MTUS1: variants seen among roughly 807,000 people sequenced by gnomAD.
The protein encoded by MTUS1 is microtubule-associated tumor suppressor 1.
Under a neutral mutation model 120.8 loss-of-function variants are expected in MTUS1, and 109 were observed. The ratio of observed to expected loss-of-function variants is 0.90; its 90% CI spans 0.77 to 1.06. The LOEUF is 1.06. Ranked by LOEUF, MTUS1 falls within the 50% of genes least tolerant of loss-of-function variation. The probability of loss-of-function intolerance (pLI) is 0.00; values close to 1 mark genes in which losing one functional copy is unlikely to be tolerated. For missense variants in MTUS1, 2,210 were observed against 1,486.3 expected, an observed-to-expected ratio of 1.49 and a Z score of -8.01; for synonymous variants, 737 against 550.5, an observed-to-expected ratio of 1.34 and a Z score of -4.74.
At chr8:17,762,217 C>A (rs913450073) in intron 1 of MTUS1, among the ~76,000 whole-genome samples, 4 of 151,996 alleles carry the variant, frequency 2.6e-5, no homozygotes, top group African/African-American at 7.3e-5. Context: ...AGGCGGAGGT[C>A]GCAGTGAGCC....
chr8:17,695,516 T>A (rs905844954), intron 6 of MTUS1, among the ~76,000 whole-genome samples: 1 of 152,126 alleles, frequency 6.6e-6, no homozygotes, highest in Non-Finnish European at 1.5e-5. Flanking sequence ...GTTTAGAAAA[T>A]AAAATGTGTC....
rs112048837 is a variant in MTUS1 at position 17,767,700 on chromosome 8, T to TAA, written c.-154-11741_-154-11740dup. The stretch of plus-strand genomic sequence containing the variant: ...GGTGATAGAGCAAGACCCTGTCTCT[T>TAA]AAAAAAAAAAAAAAAAAACGGTGTG... On this transcript the variant is annotated intron_variant, in intron 1 of 14. Transcript: ENST00000693296. Among the ~76,000 whole-genome samples the TAA allele has an allele frequency of 2.9e-3, 251 of 87,836 alleles. 2 individuals carry two copies. Among genetic ancestry groups the TAA allele is most frequent in the South Asian group, 6.8e-3 (21 of 3,084 alleles). The allele number at this position is 87,836 out of a possible 152,430, so 57.6% of individuals were successfully genotyped here.
intron 8 of MTUS1, among the ~76,000 whole-genome samples, chr8:17,662,378 TAG>T (rs1407320779): frequency 7.3e-6 from 1 of 136,098 alleles, no homozygotes; most frequent in Non-Finnish European, 1.5e-5. Context: ...TTTTTTGAGA[TAG>T]AGTCTCGCAC....
At chr8:17,688,253 G>T (rs564300869) in intron 6 of MTUS1, among the ~76,000 whole-genome samples, 22 of 152,214 alleles carry the variant, frequency 1.4e-4, no homozygotes, top group South Asian at 1.2e-3. Flanking sequence ...TGAGGGCACT[G>T]CTGTGGTGGG....
chr8:17,738,666 A>C (rs1185573475), intron 3 of MTUS1, among the ~76,000 whole-genome samples: 1 of 152,112 alleles, frequency 6.6e-6, no homozygotes, highest in Admixed American at 6.6e-5. Context: ...CCAAACCATC[A>C]CCTAGGTATT....
intron 10 of MTUS1, chr8:17,653,969 G>C (rs1807629492): frequency 6.3e-6 from 1 of 157,762 alleles, no homozygotes; most frequent in Admixed American, 6.3e-5. Flanking sequence ...ACCTCTGCCT[G>C]ACTTTGGGCA....
chr8:17,786,567 GTTA>G (rs398112272), intron 1 of MTUS1, among the ~76,000 whole-genome samples: 1 of 66,236 alleles, frequency 1.5e-5, no homozygotes. Flanking sequence ...AAAACACTGA[GTTA>G]TCTTGAGGTT....
At chr8:17,682,514 T>TA (rs1238584458) in intron 7 of MTUS1, among the ~76,000 whole-genome samples, 12,125 of 57,684 alleles carry the variant, frequency 0.21, 1,476 homozygotes, top group South Asian at 0.36. Context: ...CAAGACTCCA[T>TA]CCCAAAAAAA....
In MTUS1 at chr8:17,684,407, A is replaced by T. The variant is rs1231697241; in HGVS notation, c.2759T>A (p.Leu920Gln). Residue 920 changes from leucine (L) to glutamine (Q), a missense_variant, in exon 7 of 15, where the codon CTG (leucine) becomes CAG (glutamine). By Grantham distance (113) the Leu-to-Gln change is moderately radical. Transcript: ENST00000693296. ...TKCENQSGFI[L>Q]QLKQLLACGN... ...ACAGGCAAGAAGCTGCTTGAGCTGC[A>T]GGATAAATCCACTTTGGTTTTCACA... is the stretch of plus-strand genomic sequence containing the variant. 3 of 1,614,108 alleles carry T rather than the reference A, an allele frequency of 1.9e-6. No individual in the cohort carries two copies. In the African/African-American group the frequency reaches 4.0e-5, roughly 22 times the overall value.
Position 17,753,706 on chromosome 8 carries a change from A to G in MTUS1, c.2091+11T>C, listed in dbSNP as rs762429595. On this transcript the variant is annotated intron_variant, in intron 2 of 14. Coordinates refer to ENST00000693296, the MANE Select transcript of MTUS1 (RefSeq NM_001363059.2). ...TCTGAAGCATGCAAAAAATATATATATATTACTTACCAAAAACAGAGAACC... is the reference window on the plus strand; with the variant it reads ...TCTGAAGCATGCAAAAAATATATATGTATTACTTACCAAAAACAGAGAACC... The G allele has an allele frequency of 4.5e-6, 7 of 1,553,984 alleles. No individual in the cohort carries two copies. Among genetic ancestry groups the G allele is most frequent in the East Asian group, 2.2e-5 (1 of 44,570 alleles).
chr8:17,665,720 T>C (rs1810755223), intron 8 of MTUS1, among the ~76,000 whole-genome samples: 1 of 152,196 alleles, frequency 6.6e-6, no homozygotes, highest in Admixed American at 6.5e-5. Context: ...TCTGACTGGC[T>C]ATTTTTCCCA....
chr8:17,777,818 A>G (rs534946261), intron 1 of MTUS1, among the ~76,000 whole-genome samples: 2 of 152,340 alleles, frequency 1.3e-5, no homozygotes, highest in African/African-American at 4.8e-5. Flanking sequence ...GATTTTCAGT[A>G]TATTTTCCAC....
chr8:17,768,436 A>C (rs1242559636), intron 1 of MTUS1, among the ~76,000 whole-genome samples: 1 of 152,198 alleles, frequency 6.6e-6, no homozygotes, highest in African/African-American at 2.4e-5. Flanking sequence ...AGGAAAACTA[A>C]TTTGCTTCTT....
intron 6 of MTUS1, chr8:17,704,273 C>G (rs1195758223): frequency 3.9e-5 from 6 of 152,174 alleles, no homozygotes; most frequent in African/African-American, 1.4e-4. Flanking sequence ...CTGCTTTGCT[C>G]TGCAGATTTT....
chr8:17,660,965 G>C (rs956092632), intron 8 of MTUS1, among the ~76,000 whole-genome samples: 3 of 152,106 alleles, frequency 2.0e-5, no homozygotes, highest in African/African-American at 7.2e-5. Flanking sequence ...TCAAGCCTTT[G>C]GGACTGAATA....
Position 17,676,368 on chromosome 8 carries a change from C to T in MTUS1, c.2839-1116G>A, listed in dbSNP as rs1373495204. ...TCTCCAAGTCCCCCCACCCCTCGCA[C>T]TGTGCAAGAAGCATACAGGTGGCCG... is the stretch of plus-strand genomic sequence containing the variant. On this transcript the variant is annotated intron_variant, in intron 7 of 14. Coordinates refer to ENST00000693296, the MANE Select transcript of MTUS1 (RefSeq NM_001363059.2). 5 of 702,770 alleles carry T rather than the reference C, an allele frequency of 7.1e-6. 1 individual carries two copies. The South Asian group carries it at 7.4e-5, about 10-fold the overall frequency. 43.5% of individuals were successfully genotyped at this position (702,770 alleles called of 1,614,324 possible). A position where few individuals can be genotyped will look rare whatever the true frequency, so the allele number is the denominator to read the frequency against.
intron 8 of MTUS1, chr8:17,674,853 A>G: frequency 8.9e-7 from 1 of 1,123,220 alleles, no homozygotes; most frequent in Non-Finnish European, 1.1e-6. Flanking sequence ...TCTCATATGA[A>G]AAGTGCTTCA....
chr8:17,654,369 C>T, intron 10 of MTUS1, 192 bp downstream of exon 10: 1 of 587,500 alleles, frequency 1.7e-6, no homozygotes, highest in East Asian at 2.8e-5. Context: ...GCATTTGTAA[C>T]TATTATTTGC....
chr8:17,751,607 C>A (rs138344129), intron 2 of MTUS1, among the ~76,000 whole-genome samples: 4 of 151,984 alleles, frequency 2.6e-5, no homozygotes, highest in African/African-American at 7.2e-5. Flanking sequence ...CGCCTGTATT[C>A]CCAGCACTTT....
Sources: allele counts gnomAD v4.1 joint callset (sites outside exome capture counted in the v4.1 genomes callset), GRCh38; gene constraint gnomAD v4.1.1; transcripts MANE v1.5; gene names NCBI Gene and HGNC (gene_info 2026-07-23, HGNC 2026-07-21).